Variants in PSMD4 observed in about 807,000 individuals in gnomAD.
The protein encoded by PSMD4 is 26S proteasome non-ATPase regulatory subunit 4.
Under a neutral mutation model 39.7 loss-of-function variants are expected in PSMD4, and 5 were observed. The observed-to-expected ratio is 0.13, with a 90% confidence interval of 0.07 to 0.26. The LOEUF is 0.26. Ranked by LOEUF, PSMD4 falls within the 10% of genes least tolerant of loss-of-function variation. The pLI, the probability that PSMD4 is intolerant of heterozygous loss-of-function variation, is 1.00. For missense variants in PSMD4, 272 were observed against 486.1 expected (o/e 0.56, Z 4.14); for synonymous variants, 143 against 174.6 (o/e 0.82, Z 1.43).
At chr1:151,267,095 G>A (rs1201110383) in intron 9 of PSMD4, 78 bp from the exon 10 acceptor site, 1 of 1,549,992 alleles carries the variant, frequency 6.5e-7, no homozygotes, top group Non-Finnish European at 8.9e-7. Flanking sequence ...CTCTGGCAGC[G>A]GCATGCTCCT....
chr1:151,260,176 G>C (rs1693281859), intron 1 of PSMD4, among the ~76,000 whole-genome samples: 1 of 151,350 alleles, frequency 6.6e-6, no homozygotes, highest in African/African-American at 2.4e-5. Context: ...TCCAGCCTGG[G>C]CAACAAGAGC....
In PSMD4 at chr1:151,254,922, G is replaced by C. The variant is rs1356454248; in HGVS notation, c.26+114G>C. ...GGGCTCATGGGCGAGAGGCGGCCCT[G>C]GCCCCGGAGGTAAGGAGCCCGCTGG... On this transcript the variant is annotated intron_variant, in intron 1 of 9. Transcript: ENST00000368884. The C allele has an allele frequency of 2.3e-6, 3 of 1,307,534 alleles. No homozygotes were observed. In the African/African-American group the frequency reaches 4.7e-5, roughly 20 times the overall value. 81.0% of individuals were successfully genotyped at this position (1,307,534 alleles called of 1,614,324 possible).
At chr1:151,255,783 G>C (rs587759499) in intron 1 of PSMD4, among the ~76,000 whole-genome samples, 2 of 152,066 alleles carry the variant, frequency 1.3e-5, no homozygotes, top group African/African-American at 4.8e-5. Context: ...GGAGTGCAGT[G>C]GCCCAGTCTG....
In PSMD4 at chr1:151,267,448, C is replaced by T. The variant is rs587612333; in HGVS notation, c.*105C>T. 5 of 1,369,004 alleles carry T rather than the reference C, an allele frequency of 3.7e-6. No homozygotes were observed. The African/African-American group carries it at 5.8e-5, about 16-fold the overall frequency. The allele number at this position is 1,369,004 out of a possible 1,614,324, so 84.8% of individuals were successfully genotyped here. The stretch of plus-strand genomic sequence containing the variant: ...TGTAACCATTACAGCCTAAATAAAG[C>T]TTGGCAACTTTTTTTCCTTTTTTGC... On this transcript the variant is annotated 3_prime_UTR_variant, in exon 10 of 10. Coordinates refer to ENST00000368884, the MANE Select transcript of PSMD4 (RefSeq NM_002810.4).
rs587675669 is a variant in PSMD4 at position 151,267,005 on chromosome 1, AT to A, written c.964-167del. ...TTAGTAATAACTGCATTCATGCTGT[AT>A]AAAGGATTTTGCTGACTTGTCCTTT... On this transcript the variant is annotated intron_variant, in intron 9 of 9. Coordinates refer to ENST00000368884, the MANE Select transcript of PSMD4 (RefSeq NM_002810.4). 106 of 819,652 alleles carry A rather than the reference AT, an allele frequency of 1.3e-4. 2 individuals carry two copies. The South Asian group carries it at 1.4e-3, about 11-fold the overall frequency. The allele number at this position is 819,652 out of a possible 1,614,324, so 50.8% of individuals were successfully genotyped here. A position where few individuals can be genotyped will look rare whatever the true frequency, so the allele number is the denominator to read the frequency against.
chr1:151,264,681 G>A (rs1571071419), intron 3 of PSMD4, 151 bp from the exon 4 acceptor site: 1 of 612,052 alleles, frequency 1.6e-6, no homozygotes, highest in Non-Finnish European at 3.0e-6. Context: ...CAAAAAGGGA[G>A]GAGGTGGGGG....
In PSMD4 at chr1:151,262,599, G is replaced by GAT. The variant is rs1693340339; in HGVS notation, c.167+298_167+299insAT. On this transcript the variant is annotated intron_variant, in intron 2 of 9. Transcript: ENST00000368884. ...TCAGTGAAAAGTGATTTTGGGCTGG[G>GAT]CACAGTGGCTCATGTCTGTAATCCC... 1.2e-5 allele frequency: 4 copies of GAT among 335,372 alleles called. No homozygotes were observed. In the East Asian group the frequency reaches 2.1e-4, roughly 17 times the overall value. The allele number at this position is 335,372 out of a possible 1,614,324, so 20.8% of individuals were successfully genotyped here.
At position 151,265,518 on chromosome 1, in the gene PSMD4, T is replaced by C. The variant is rs1693411810; in HGVS notation, c.563T>C (p.Ile188Thr). 1 of 1,614,072 alleles carries C rather than the reference T, an allele frequency of 6.2e-7. No homozygotes were observed. The highest frequency in any genetic ancestry group is 1.7e-5 in the Admixed American group (1 of 59,996). The change falls in exon 6 of 10, where the codon ATT (isoleucine) becomes ACT (threonine). Residue 188 changes from isoleucine (I) to threonine (T), a missense_variant. Ile to Thr is a moderately conservative substitution (Grantham distance 89). This residue lies in a region of PSMD4 where 153 missense variants were observed against 257.6 expected (regional missense o/e 0.59). Transcript: ENST00000368884. ...SLADALISSP[I>T]LAGEGGAMLG... Reference sequence around the variant, plus strand: ...GCTGATGCTCTCATCAGTTCTCCGATTTTGGCTGGTGAAGGTGGTGCCATG... The same window carrying C: ...GCTGATGCTCTCATCAGTTCTCCGACTTTGGCTGGTGAAGGTGGTGCCATG...
Position 151,265,260 on chromosome 1 carries a change from T to C in PSMD4, c.438+26T>C, listed in dbSNP as rs376811972. The C allele has an allele frequency of 6.8e-6, 11 of 1,605,980 alleles. No individual in the cohort carries two copies. The African/African-American group carries it at 1.1e-4, about 16-fold the overall frequency. The stretch of plus-strand genomic sequence containing the variant: ...GTGAGTAGGGACTGATTGGAGGGCA[T>C]TGACTTAATTTGGTCATAAACAGAA... On this transcript the variant is annotated intron_variant, in intron 5 of 9. Transcript: ENST00000368884.
rs760883912 is a variant in PSMD4 at position 151,254,749 on chromosome 1, C to G, written c.-34C>G. ...TGGAGGAGTTGTTGTTAGGCCGTCCCGGAGACCCGGTCGGGAGGGAGGAAG... is the reference window on the plus strand; with the variant it reads ...TGGAGGAGTTGTTGTTAGGCCGTCCGGGAGACCCGGTCGGGAGGGAGGAAG... On this transcript the variant is annotated 5_prime_UTR_variant, in exon 1 of 10. Coordinates refer to ENST00000368884, the MANE Select transcript of PSMD4 (RefSeq NM_002810.4). The G allele has an allele frequency of 3.9e-6, 6 of 1,551,986 alleles. No homozygotes were observed. The highest frequency in any genetic ancestry group is 2.8e-5 in the African/African-American group (2 of 72,452).
intron 1 of PSMD4, among the ~76,000 whole-genome samples, 200 bp downstream of exon 1, chr1:151,255,008 C>T (rs1010323677): frequency 4.6e-5 from 7 of 152,206 alleles, no homozygotes; most frequent in African/African-American, 1.7e-4. Flanking sequence ...CACTGTTACC[C>T]CCAGGGGGAC....
At chr1:151,262,619 A>C (rs1355177766) in intron 2 of PSMD4, 1 of 288,308 alleles carries the variant, frequency 3.5e-6, no homozygotes, top group Non-Finnish European at 6.8e-6. Flanking sequence ...TCATGTCTGT[A>C]ATCCCAAGAG....
chr1:151,262,528 G>A, intron 2 of PSMD4: 1 of 554,434 alleles, frequency 1.8e-6, no homozygotes, highest in East Asian at 3.2e-5. Context: ...ATTGTTTGTT[G>A]GGCAGGGCTA....
At chr1:151,265,072 A>C in intron 4 of PSMD4, 94 bp from the exon 5 acceptor site, 1 of 1,306,488 alleles carries the variant, frequency 7.7e-7, no homozygotes, top group Non-Finnish European at 1.1e-6. Context: ...GACCTTGGGG[A>C]GGTCAATAGA....
intron 3 of PSMD4, among the ~76,000 whole-genome samples, chr1:151,264,608 C>T (rs985871670): frequency 1.3e-5 from 2 of 148,504 alleles, no homozygotes; most frequent in Admixed American, 6.7e-5. Flanking sequence ...GAGACTCCAT[C>T]TCAAAAAAAA....
At chr1:151,265,072 A>G in intron 4 of PSMD4, 94 bp from the exon 5 acceptor site, 1 of 1,306,482 alleles carries the variant, frequency 7.7e-7, no homozygotes. Context: ...GACCTTGGGG[A>G]GGTCAATAGA....
At chr1:151,256,355 AATAATAATAAAAT>A (rs1255342596) in intron 1 of PSMD4, among the ~76,000 whole-genome samples, 4 of 72,046 alleles carry the variant, frequency 5.6e-5, no homozygotes, top group African/African-American at 1.5e-4. Context: ...AAAAAAAAAA[AATAATAATAAAAT>A]AAATAAATAA....
At chr1:151,260,478 G>A (rs182479074) in intron 1 of PSMD4, among the ~76,000 whole-genome samples, 12 of 152,266 alleles carry the variant, frequency 7.9e-5, no homozygotes, top group Admixed American at 2.0e-4. Flanking sequence ...CATTTTTACC[G>A]TTCAGTTCAG....
In PSMD4 at chr1:151,265,212, A is replaced by T; in HGVS notation, c.416A>T (p.Asp139Val). 6.2e-7 allele frequency: 1 copy of T among 1,613,576 alleles called. No homozygotes were observed. The highest frequency in any genetic ancestry group is 8.5e-7 in the Non-Finnish European group (1 of 1,179,828). ...CTCAAGAAGGAGAAAGTAAATGTTG[A>T]CATTATCAATTTTGGGGAAGAGGTG... ...KRLKKEKVNV[D>V]IINFGEEEVN... The change falls in exon 5 of 10, where the codon GAC (aspartate) becomes GTC (valine). Residue 139 changes from aspartate to valine, a missense_variant. Physicochemically the swap from Asp to Val is radical, Grantham distance 152. Transcript: ENST00000368884.
Sources: allele counts gnomAD v4.1 joint callset (sites outside exome capture counted in the v4.1 genomes callset), GRCh38; gene constraint gnomAD v4.1.1; regional missense constraint gnomAD v4.1.1; transcripts MANE v1.5; gene names NCBI Gene and HGNC (gene_info 2026-07-23, HGNC 2026-07-21).